PAPLN: variants seen among roughly 807,000 people sequenced by gnomAD.
PAPLN encodes the protein papilin, proteoglycan like sulfated glycoprotein, also known as papilin.
PAPLN carries 146 observed loss-of-function variants against 159.0 expected under a neutral mutation model. That is an observed-to-expected ratio of 0.92 (90% CI 0.80 to 1.05). PAPLN has a LOEUF of 1.05. PAPLN is among the 50% of genes least tolerant of loss of function. The pLI is 0.00. For missense variants in PAPLN, 1,720 were observed against 1,743.9 expected, an observed-to-expected ratio of 0.99 and a Z score of 0.24; for synonymous variants, 734 against 702.9, an observed-to-expected ratio of 1.04 and a Z score of -0.70.
In PAPLN at chr14:73,259,404, C is replaced by T. The variant is rs777220630; in HGVS notation, c.1844C>T (p.Pro615Leu). 3 of 1,612,782 alleles carry T rather than the reference C, an allele frequency of 1.9e-6. No homozygotes were observed. Among genetic ancestry groups the T allele is most frequent in the African/African-American group, 2.7e-5 (2 of 74,878 alleles). ...GGCCCCGCTCCCTCTCTGCAGCAGC[C>T]CCCATACCAGCAACCCCTGCGGTCG... is the stretch of plus-strand genomic sequence containing the variant. ...ALGPAPSLQQ[P>L]PYQQPLRSGS... Residue 615 changes from proline to leucine, a missense_variant, in exon 16 of 27, where the codon CCC (proline) becomes CTC (leucine). Coordinates refer to ENST00000644200, the MANE Select transcript of PAPLN (RefSeq NM_001365906.3).
At position 73,265,066 on chromosome 14, in the gene PAPLN, G is replaced by A. The variant is rs1382684371; in HGVS notation, c.3126-304G>A. On this transcript the variant is annotated intron_variant, in intron 22 of 26. Transcript: ENST00000644200. The surrounding 1 kb of genome is among the most constrained non-coding windows in gnomAD (Gnocchi z 4.1). Reference sequence around the variant, plus strand: ...GGGGGTGTGGAGGACCGGAGGGGGTGCCCAACTCAAAGACCTAGTGGCAAA... The same window carrying A: ...GGGGGTGTGGAGGACCGGAGGGGGTACCCAACTCAAAGACCTAGTGGCAAA... 6.6e-6 allele frequency among the ~76,000 whole-genome samples: 1 copy of A among 152,000 alleles called. No homozygotes were observed. The highest frequency in any genetic ancestry group is 6.6e-5 in the Admixed American group (1 of 15,266).
In PAPLN at chr14:73,254,502, T is replaced by C. The variant is rs760134848; in HGVS notation, c.1303-11T>C. The C allele has an allele frequency of 7.4e-6, 12 of 1,613,352 alleles. No homozygotes were observed. In the Admixed American group the frequency reaches 1.0e-4, roughly 13 times the overall value. On this transcript the variant is annotated splice_polypyrimidine_tract_variant and intron_variant, in intron 12 of 26. Transcript: ENST00000644200. ...AAGGCCGAGCTTCTGCTGACAGCCT[T>C]GTCCTTGCAGTGTTCTGTCAGTTGT...
rs139626596 is a variant in PAPLN, at chr14:73,248,106, T to TGTGTGCGCGC, written c.335-1877_335-1876insTGTGCGCGCG. ...GTGTGTGTGTGTGTGTGTGTGTGTG[T>TGTGTGCGCGC]GCGCGTGTGTGTGTTGTGGGGATCG... On this transcript the variant is annotated intron_variant, in intron 5 of 26. Coordinates refer to ENST00000644200, the MANE Select transcript of PAPLN (RefSeq NM_001365906.3). Among the ~76,000 whole-genome samples, 96 of 78,508 alleles carry TGTGTGCGCGC rather than the reference T, an allele frequency of 1.2e-3. 3 individuals are homozygous for TGTGTGCGCGC. Among genetic ancestry groups the TGTGTGCGCGC allele is most frequent in the Middle Eastern group, 9.1e-3 (1 of 110 alleles). The allele number at this position is 78,508 out of a possible 152,430, so 51.5% of individuals were successfully genotyped here.
intron 5 of PAPLN, chr14:73,249,674 C>CAA (rs58852515): frequency 0.26 from 23,859 of 93,108 alleles, 3,207 homozygotes; most frequent in East Asian, 0.32. Context: ...GACTCCACCT[C>CAA]AAAAAAAAAA....
chr14:73,256,310 C>T (rs111578451), intron 14 of PAPLN, among the ~76,000 whole-genome samples: 1,954 of 152,046 alleles, frequency 0.013, 39 homozygotes, highest in African/African-American at 0.045. Context: ...GTGGGAGGAC[C>T]ACTTGAAACC....
At chr14:73,252,294 G>A (rs1345852500) in intron 10 of PAPLN, among the ~76,000 whole-genome samples, 153 bp downstream of exon 10, 1 of 152,196 alleles carries the variant, frequency 6.6e-6, no homozygotes, top group African/African-American at 2.4e-5. Context: ...GGGTCGCTTT[G>A]AGGAAAACCC....
At chr14:73,255,169 T>A in intron 14 of PAPLN, 151 bp downstream of exon 14, 1 of 1,202,650 alleles carries the variant, frequency 8.3e-7, no homozygotes, top group Non-Finnish European at 1.1e-6. Context: ...GCTGAACCCT[T>A]TGCCATCTCT....
At position 73,253,890 on chromosome 14, in the gene PAPLN, G is replaced by T. The variant is rs1305309823; in HGVS notation, c.1231G>T (p.Gly411Trp). 17 of 1,613,222 alleles carry T rather than the reference G, an allele frequency of 1.1e-5. No homozygotes were observed. Among genetic ancestry groups the T allele is most frequent in the Non-Finnish European group, 1.4e-5 (16 of 1,179,926 alleles). ...GGAGGCTGAGTGTGCCGGGCTGCCT[G>T]GGAAGCCCCCTGCCATTCAGGCCTG... Reference protein sequence around the residue: ...VEEAECAGLPGKPPAIQACNL... With the variant: ...VEEAECAGLPWKPPAIQACNL... The change falls in exon 12 of 27, where the codon GGG becomes TGG. Residue 411 changes from glycine (G) to tryptophan (W), a missense_variant. By Grantham distance (184) the Gly-to-Trp change is radical. Coordinates refer to ENST00000644200, the MANE Select transcript of PAPLN (RefSeq NM_001365906.3).
intron 7 of PAPLN, among the ~76,000 whole-genome samples, chr14:73,251,266 A>C (rs1885222594): frequency 6.7e-6 from 1 of 150,058 alleles, no homozygotes; most frequent in Non-Finnish European, 1.5e-5. Context: ...ATCCCTTCCC[A>C]CTCCCAGTGT....
intron 23 of PAPLN, among the ~76,000 whole-genome samples, 176 bp from the exon 24 acceptor site, chr14:73,266,324 AG>A (rs1403760447): frequency 3.9e-5 from 6 of 152,110 alleles, no homozygotes; most frequent in Non-Finnish European, 7.3e-5. Flanking sequence ...GCAGGTGTAA[AG>A]TCTGAGGCCA....
rs543683517 is a variant in PAPLN at position 73,274,272 on chromosome 14, A to G, written c.*1608A>G. 1.3e-5 allele frequency: 2 copies of G among 152,366 alleles called. No homozygotes were observed. The highest frequency in any genetic ancestry group is 2.1e-4 in the South Asian group (1 of 4,834). 9.4% of individuals were successfully genotyped at this position (152,366 alleles called of 1,614,324 possible). ...CTTCTAATTCCTTGATGCTAAAAGA[A>G]GAGGCATGGATTCTATGAGCTTCCA... On this transcript the variant is annotated 3_prime_UTR_variant, in exon 27 of 27. Coordinates refer to ENST00000644200, the MANE Select transcript of PAPLN (RefSeq NM_001365906.3).
rs375916655 is a variant in PAPLN at position 73,239,825 on chromosome 14, G to A, written c.47G>A (p.Gly16Glu). ...LVPLLLAPAP[G>E]SSAPKVRRQS... ...CCGCTGCTGCTGGCTCCAGCGCCCG[G>A]GTCCTCGGTGAGTGCGGTCCTGCCC... The change falls in exon 2 of 27, where the codon GGG becomes GAG. Residue 16 changes from glycine (G) to glutamate (E), a missense_variant. Coordinates refer to ENST00000644200, the MANE Select transcript of PAPLN (RefSeq NM_001365906.3). The A allele has an allele frequency of 8.2e-6, 13 of 1,590,200 alleles. No individual in the cohort carries two copies. The highest frequency in any genetic ancestry group is 1.8e-4 in the Middle Eastern group (1 of 5,594).
At position 73,250,972 on chromosome 14, in the gene PAPLN, T is replaced by C; in HGVS notation, c.531T>C (p.Gly177=). 1 of 1,613,474 alleles carries C rather than the reference T, an allele frequency of 6.2e-7. No homozygotes were observed. Among genetic ancestry groups the C allele is most frequent in the East Asian group, 2.2e-5 (1 of 44,840 alleles). The change falls in exon 7 of 27, where the codon GGT becomes GGC. Residue 177 remains glycine (G), a synonymous_variant. Coordinates refer to ENST00000644200, the MANE Select transcript of PAPLN (RefSeq NM_001365906.3). ...KQEDKCLRCG[G]DGTTCYPVAG... ...AGGACAAGTGTCTGCGGTGTGGGGGTGACGGCACGACCTGCTACCCCGTCG... is the reference window on the plus strand; with the variant it reads ...AGGACAAGTGTCTGCGGTGTGGGGGCGACGGCACGACCTGCTACCCCGTCG...
intron 17 of PAPLN, 126 bp from the exon 18 acceptor site, chr14:73,261,030 G>C: frequency 1.3e-6 from 2 of 1,508,738 alleles, no homozygotes; most frequent in Non-Finnish European, 1.8e-6. Flanking sequence ...ACATTCTCCT[G>C]GCCTCTGGTC....
At position 73,268,743 on chromosome 14, in the gene PAPLN, G is replaced by C; in HGVS notation, c.3667+20G>C. 1 of 1,583,700 alleles carries C rather than the reference G, an allele frequency of 6.3e-7. No individual in the cohort carries two copies. The highest frequency in any genetic ancestry group is 8.6e-7 in the Non-Finnish European group (1 of 1,163,870). On this transcript the variant is annotated intron_variant, in intron 26 of 26. Coordinates refer to ENST00000644200, the MANE Select transcript of PAPLN (RefSeq NM_001365906.3). ...CACCAGGTAGGAAAGGTCTATATCC[G>C]GGGATGGGAAGGACATTCCCCAGTA...
rs564785859 is a variant in PAPLN at position 73,253,751 on chromosome 14, C to T, written c.1095-3C>T. The T allele has an allele frequency of 1.3e-6, 2 of 1,589,026 alleles. No individual in the cohort carries two copies. The highest frequency in any genetic ancestry group is 1.1e-5 in the South Asian group (1 of 88,912). On this transcript the variant is annotated splice_region_variant and splice_polypyrimidine_tract_variant and intron_variant, in intron 11 of 26. Coordinates refer to ENST00000644200, the MANE Select transcript of PAPLN (RefSeq NM_001365906.3). ...AGCCTTACCTGATTCCCCCTCCTGC[C>T]AGCTGGAAGGCAGGGCCATGGGCAC...
rs1001074529 is a variant in PAPLN, at chr14:73,251,404, T to C, written c.590-82T>C. 2.4e-5 allele frequency: 33 copies of C among 1,387,692 alleles called. No homozygotes were observed. The Middle Eastern group carries it at 1.1e-3, about 48-fold the overall frequency. 86.0% of individuals were successfully genotyped at this position (1,387,692 alleles called of 1,614,324 possible). ...TACCCTCCCTGCCCCCATTCTGTGC[T>C]GTGTGGCACTTGGAGTCCTGTTTGA... On this transcript the variant is annotated intron_variant, in intron 7 of 26. Coordinates refer to ENST00000644200, the MANE Select transcript of PAPLN (RefSeq NM_001365906.3).
chr14:73,237,756 G>A (rs1883120282), intron 1 of PAPLN, among the ~76,000 whole-genome samples, 164 bp downstream of exon 1: 1 of 152,172 alleles, frequency 6.6e-6, no homozygotes, highest in African/African-American at 2.4e-5. Flanking sequence ...CCGGAGGTGG[G>A]CGCAGGGTCA....
intron 2 of PAPLN, among the ~76,000 whole-genome samples, chr14:73,241,245 G>A (rs770337372): frequency 6.6e-6 from 1 of 152,088 alleles, no homozygotes; most frequent in Non-Finnish European, 1.5e-5. Context: ...AGCTACCCAC[G>A]GTCCCCTCTG....
Sources: allele counts gnomAD v4.1 joint callset (sites outside exome capture counted in the v4.1 genomes callset), GRCh38; gene constraint gnomAD v4.1.1; non-coding constraint Gnocchi (gnomAD v3.1); transcripts MANE v1.5; gene names NCBI Gene and HGNC (gene_info 2026-07-23, HGNC 2026-07-21).